The following BSN variants were observed in gnomAD, a reference collection of about 807,000 sequenced individuals.
BSN encodes the protein protein bassoon.
In BSN, 57 loss-of-function variants were observed where a neutral mutation model predicts 264.8. The observed-to-expected ratio is 0.22, with a 90% CI of 0.17 to 0.27. The LOEUF (loss-of-function observed/expected upper bound fraction) is 0.27, where lower values mean the gene tolerates loss of function less well. Ranked by LOEUF, BSN falls within the 10% of genes least tolerant of loss-of-function variation. BSN has a pLI of 1.00. For missense variants in BSN, 4,615 were observed against 5,232.5 expected (o/e 0.88, Z 3.64); for synonymous variants, 2,059 against 2,137.3 (o/e 0.96, Z 1.01).
At chr3:49,624,941 G>A (rs1479806374) in intron 1 of BSN, 34 bp from the exon 2 acceptor site, 13 of 1,485,072 alleles carry the variant, frequency 8.8e-6, no homozygotes, top group Admixed American at 2.5e-5. Flanking sequence ...TCTCTAAGCT[G>A]TATCTCTAAC....
At position 49,656,140 on chromosome 3, in the gene BSN, A is replaced by G. The variant is rs1281735126; in HGVS notation, c.6584A>G (p.Tyr2195Cys). Residue 2195 changes from tyrosine to cysteine, a missense_variant, in exon 5 of 12, where the codon TAC becomes TGC. Physicochemically the swap from Tyr to Cys is radical, Grantham distance 194. This residue lies in a region of BSN where 3,415 missense variants were observed against 3,866.4 expected (regional missense o/e 0.88). Coordinates refer to ENST00000296452, the MANE Select transcript of BSN (RefSeq NM_003458.4). ...GTACGTGCAGCTGATGGCATGATCT[A>G]CTCGACTATCAATACCCCAATTGCT... is the stretch of plus-strand genomic sequence containing the variant. The part of the protein sequence containing the change: ...ATVRAADGMI[Y>C]STINTPIAAT... 6.2e-7 allele frequency: 1 copy of G among 1,613,022 alleles called. No homozygotes were observed. Among genetic ancestry groups the G allele is most frequent in the Non-Finnish European group, 8.5e-7 (1 of 1,179,964 alleles).
In BSN at chr3:49,663,592, C is replaced by T. The variant is rs1381630576; in HGVS notation, c.11434C>T (p.Pro3812Ser). The change falls in exon 7 of 12, where the codon CCT becomes TCT. Residue 3812 changes from proline to serine, a missense_variant. Pro to Ser is a moderately conservative substitution (Grantham distance 74). Transcript: ENST00000296452. Reference protein sequence around the residue: ...QSQPTTRGSAPAASQPAGKPQ... With the variant: ...QSQPTTRGSASAASQPAGKPQ... The stretch of plus-strand genomic sequence containing the variant: ...CCAGCCAACCACCCGGGGCTCAGCC[C>T]CTGCTGCCAGCCAGCCTGCAGGGAA... 3.1e-6 allele frequency: 5 copies of T among 1,606,954 alleles called. No individual in the cohort carries two copies. Among genetic ancestry groups the T allele is most frequent in the Non-Finnish European group, 4.2e-6 (5 of 1,177,670 alleles).
At chr3:49,586,752 T>C (rs1284336872) in intron 1 of BSN, among the ~76,000 whole-genome samples, 1 of 152,254 alleles carries the variant, frequency 6.6e-6, no homozygotes, top group East Asian at 1.9e-4. Flanking sequence ...TTTTCTATTC[T>C]GTTCCATTGG....
At chr3:49,667,488 T>C (rs2052720864) in intron 11 of BSN, 102 bp from the exon 12 acceptor site, 2 of 152,670 alleles carry the variant, frequency 1.3e-5, no homozygotes, top group Admixed American at 1.3e-4. Context: ...CACAGGCAGA[T>C]GGCTGAGAGG....
At chr3:49,605,507 T>TTA (rs2052114909) in intron 1 of BSN, among the ~76,000 whole-genome samples, 1 of 4,798 alleles carries the variant, frequency 2.1e-4, no homozygotes, top group Non-Finnish European at 3.2e-4. Flanking sequence ...ATAATATATA[T>TTA]TATATAATAT....
At chr3:49,629,182 A>T (rs973314129) in intron 2 of BSN, among the ~76,000 whole-genome samples, 1 of 152,202 alleles carries the variant, frequency 6.6e-6, no homozygotes, top group African/African-American at 2.4e-5. Flanking sequence ...GAATTTCCTG[A>T]ATGTCAGATT....
intron 1 of BSN, among the ~76,000 whole-genome samples, chr3:49,555,505 C>T (rs1371751626): frequency 2.0e-5 from 3 of 152,184 alleles, no homozygotes; most frequent in South Asian, 2.1e-4. Flanking sequence ...GATATGTTCT[C>T]GTTACCTTAT....
chr3:49,662,766 C>T (rs541736129), intron 6 of BSN, 110 bp from the exon 7 acceptor site: 1 of 1,431,820 alleles, frequency 7.0e-7, no homozygotes, highest in African/African-American at 1.4e-5. Flanking sequence ...GCCTGCTGAT[C>T]TGCTTGTGGC....
At chr3:49,663,945 C>G in intron 8 of BSN, 59 bp downstream of exon 8, 1 of 1,501,404 alleles carries the variant, frequency 6.7e-7, no homozygotes, top group Non-Finnish European at 9.2e-7. Flanking sequence ...TGTTCTCTCT[C>G]TATACCACCT....
intron 1 of BSN, among the ~76,000 whole-genome samples, chr3:49,602,264 A>G (rs190557032): frequency 1.3e-5 from 2 of 152,134 alleles, no homozygotes; most frequent in Non-Finnish European, 2.9e-5. Context: ...TCCCTGGGGC[A>G]GCAGGACAAC....
At chr3:49,650,436 G>A (rs2052531491) in intron 3 of BSN, among the ~76,000 whole-genome samples, 176 bp from the exon 4 acceptor site, 1 of 152,190 alleles carries the variant, frequency 6.6e-6, no homozygotes, top group South Asian at 2.1e-4. Flanking sequence ...CTTAAAGGTA[G>A]GGGAATTTGT....
intron 1 of BSN, among the ~76,000 whole-genome samples, chr3:49,587,631 G>A (rs1460150234): frequency 6.6e-6 from 1 of 152,216 alleles, no homozygotes; most frequent in African/African-American, 2.4e-5. Context: ...ATTTTCTGGG[G>A]TTTAAATAGT....
chr3:49,583,502 T>A (rs1222965029), intron 1 of BSN, among the ~76,000 whole-genome samples: 1 of 152,110 alleles, frequency 6.6e-6, no homozygotes, highest in Non-Finnish European at 1.5e-5. Flanking sequence ...CCCAGCACTG[T>A]GGGAGGCTGA....
chr3:49,664,689 G>C, intron 9 of BSN, 110 bp from the exon 10 acceptor site: 3 of 1,553,992 alleles, frequency 1.9e-6, no homozygotes, highest in Non-Finnish European at 2.6e-6. Flanking sequence ...GTTGTTCTCC[G>C]GGCAATCTCT....
intron 1 of BSN, among the ~76,000 whole-genome samples, chr3:49,605,458 A>G (rs1448416102): frequency 8.8e-5 from 2 of 22,716 alleles, no homozygotes; most frequent in Non-Finnish European, 1.4e-4. Context: ...TATATAATAT[A>G]TATTATATAT....
In BSN at chr3:49,670,231, ACC is replaced by A. The variant is rs2052745488; in HGVS notation, c.*2748_*2749del. On this transcript the variant is annotated 3_prime_UTR_variant, in exon 12 of 12. Transcript: ENST00000296452. ...AAGCCATCACCTAACACCTCTGGCC[ACC>A]CAGGACCAGGTCTGTGTGGGGATGT... The A allele has an allele frequency of 6.6e-6, 1 of 152,242 alleles. No individual in the cohort carries two copies. Among genetic ancestry groups the A allele is most frequent in the African/African-American group, 2.4e-5 (1 of 41,456 alleles). 9.4% of individuals were successfully genotyped at this position (152,242 alleles called of 1,614,324 possible).
At chr3:49,575,224 G>A (rs1349600685) in intron 1 of BSN, among the ~76,000 whole-genome samples, 2 of 151,656 alleles carry the variant, frequency 1.3e-5, no homozygotes, top group East Asian at 3.9e-4. Flanking sequence ...CGTGGTGGTG[G>A]GCACCTGTGA....
intron 1 of BSN, among the ~76,000 whole-genome samples, chr3:49,602,193 C>T (rs1026222806): frequency 1.3e-5 from 2 of 152,198 alleles, no homozygotes; most frequent in Non-Finnish European, 2.9e-5. Context: ...GAGGAACATC[C>T]ATTGCAGGGT....
rs766632848 is a variant in BSN at position 49,656,044 on chromosome 3, A to G, written c.6488A>G (p.Asn2163Ser). ...TFPEGHPSPG[N>S]LAQYGPAAGQ... ...CCAGAGGGCCACCCAAGTCCTGGGA[A>G]CTTGGCCCAGTATGGGCCTGCAGCA... Residue 2163 changes from asparagine to serine, a missense_variant, in exon 5 of 12, where the codon AAC (asparagine) becomes AGC (serine). Asn to Ser is a conservative substitution (Grantham distance 46, BLOSUM62 1). Around this residue, in one of 3 missense-constraint regions of BSN, gnomAD observed 3,415 missense variants for 3,866.4 expected, o/e 0.88. Coordinates refer to ENST00000296452, the MANE Select transcript of BSN (RefSeq NM_003458.4). 2.1e-5 allele frequency: 34 copies of G among 1,603,902 alleles called. No homozygotes were observed. The highest frequency in any genetic ancestry group is 2.6e-6 in the Non-Finnish European group (3 of 1,174,688).
Sources: gnomAD v4.1 joint callset for allele counts (sites outside exome capture counted in the v4.1 genomes callset) on GRCh38, gnomAD v4.1.1 for gene constraint, gnomAD v4.1.1 regional missense constraint, MANE v1.5 for transcripts, NCBI Gene and HGNC (gene_info 2026-07-23, HGNC 2026-07-21) for gene names.